The following EFHB variants were observed in gnomAD, a reference collection of about 807,000 sequenced individuals.
EFHB encodes EF-hand domain family member B.
EFHB carries 91 observed loss-of-function variants against 87.2 expected under a neutral mutation model. The observed-to-expected ratio is 1.04, with a 90% CI of 0.88 to 1.24. The LOEUF (loss-of-function observed/expected upper bound fraction) is 1.24, where lower values mean the gene tolerates loss of function less well. Ranked by LOEUF, EFHB falls within the 50% of genes most tolerant of loss-of-function variation. The pLI is 0.00. For synonymous variants in EFHB, 325 were observed against 333.6 expected, an observed-to-expected ratio of 0.97 and a Z score of 0.28; for missense variants, 1,084 against 998.8, an observed-to-expected ratio of 1.09 and a Z score of -1.15.
At chr3:19,881,903 T>C (rs1329076232) in intron 12 of EFHB, among the ~76,000 whole-genome samples, 2 of 152,078 alleles carry the variant, frequency 1.3e-5, no homozygotes, top group Non-Finnish European at 2.9e-5. Flanking sequence ...TATCAATCTC[T>C]GGCCCTCAGC....
At chr3:19,941,650 A>G (rs1238678542) in intron 1 of EFHB, 1 of 151,786 alleles carries the variant, frequency 6.6e-6, no homozygotes, top group Non-Finnish European at 1.5e-5. Flanking sequence ...TGAGGTCAAG[A>G]GTTCAAGACC....
chr3:19,886,676 C>CAA (rs4020648), intron 10 of EFHB, among the ~76,000 whole-genome samples: 3 of 61,256 alleles, frequency 4.9e-5, no homozygotes, highest in African/African-American at 6.4e-5. Flanking sequence ...GACACTGTCT[C>CAA]AAAAAAAAAA....
At chr3:19,938,380 T>C (rs538500637), upstream of EFHB, among the ~76,000 whole-genome samples, 4 of 152,356 alleles carry the variant, frequency 2.6e-5, no homozygotes, top group South Asian at 2.1e-4. Context: ...CTCTAGTAAA[T>C]GGCATGCATG....
chr3:19,943,008 TG>T, intron 1 of EFHB: 1 of 308,750 alleles, frequency 3.2e-6, no homozygotes. Flanking sequence ...ACTTGGACCT[TG>T]GGCCTGCCAA....
At chr3:19,899,315 A>G in intron 7 of EFHB, 117 bp downstream of exon 7, 1 of 691,324 alleles carries the variant, frequency 1.4e-6, no homozygotes, top group Non-Finnish European at 2.2e-6. Flanking sequence ...TAACAATAAA[A>G]TAATGATTTT....
rs555252281 is a variant in EFHB at position 19,918,571 on chromosome 3, T to C, written c.997-159A>G. Among the ~76,000 whole-genome samples, 21 of 152,268 alleles carry C rather than the reference T, an allele frequency of 1.4e-4. No individual in the cohort carries two copies. In the South Asian group the frequency reaches 4.1e-3, roughly 30 times the overall value. On this transcript the variant is annotated intron_variant, in intron 3 of 12. Transcript: ENST00000295824. The stretch of plus-strand genomic sequence containing the variant: ...CTCACCTTCAAATGAACTGTCAGAA[T>C]TGGCTATGAAGTTTAAACACGCCTA...
chr3:19,917,843 G>C (rs1695286309), intron 4 of EFHB, among the ~76,000 whole-genome samples: 1 of 152,190 alleles, frequency 6.6e-6, no homozygotes, highest in Admixed American at 6.5e-5. Flanking sequence ...TCTGTGCCAT[G>C]AACTCTGTTG....
chr3:19,943,568 A>C (rs990448452), intron 1 of EFHB, among the ~76,000 whole-genome samples: 1 of 152,228 alleles, frequency 6.6e-6, no homozygotes, highest in Non-Finnish European at 1.5e-5. Flanking sequence ...AAATGAAAAA[A>C]ACACAAAATA....
upstream of EFHB, among the ~76,000 whole-genome samples, chr3:19,936,912 T>TAAAA (rs1553636182): frequency 3.1e-3 from 442 of 140,798 alleles, 5 homozygotes; most frequent in African/African-American, 9.3e-3. Flanking sequence ...AATAAATAAA[T>TAAAA]AAAAAGTGAG....
intron 1 of EFHB, among the ~76,000 whole-genome samples, chr3:19,927,045 T>A (rs950906335): frequency 6.6e-6 from 1 of 152,176 alleles, no homozygotes; most frequent in African/African-American, 2.4e-5. Context: ...AGCCTCAACC[T>A]CCCATAGCCC....
chr3:19,882,271 T>A (rs1362726458), intron 12 of EFHB, among the ~76,000 whole-genome samples: 1 of 152,094 alleles, frequency 6.6e-6, no homozygotes, highest in Non-Finnish European at 1.5e-5. Context: ...GTTCCTTTTC[T>A]CAACTAGAAT....
intron 1 of EFHB, among the ~76,000 whole-genome samples, chr3:19,923,382 G>C (rs1261951089): frequency 6.6e-6 from 1 of 152,046 alleles, no homozygotes; most frequent in African/African-American, 2.4e-5. Flanking sequence ...TTTGAGACAG[G>C]GTCTGATTCC....
At chr3:19,936,089 A>C, upstream of EFHB, 1 of 1,320,360 alleles carries the variant, frequency 7.6e-7, no homozygotes, top group Non-Finnish European at 9.7e-7. Context: ...ACCCCTTAAA[A>C]TCCAAAAATA....
At chr3:19,896,954 ACT>A (rs776048804) in intron 8 of EFHB, 113 bp from the exon 9 acceptor site, 64 of 909,634 alleles carry the variant, frequency 7.0e-5, no homozygotes, top group Non-Finnish European at 9.8e-5. Context: ...GAAACATCTA[ACT>A]CTGACATGAT....
chr3:19,933,127 T>G, intron 1 of EFHB, 103 bp downstream of exon 1: 1 of 1,343,580 alleles, frequency 7.4e-7, no homozygotes, highest in Non-Finnish European at 9.9e-7. Context: ...AAAATCCTTG[T>G]GATTTGTCTC....
At chr3:19,894,893 A>G in intron 9 of EFHB, 1 of 151,850 alleles carries the variant, frequency 6.6e-6, no homozygotes, top group Admixed American at 6.6e-5. Flanking sequence ...CTGAGGCAGG[A>G]GAATCGCTTG....
intron 6 of EFHB, among the ~76,000 whole-genome samples, chr3:19,904,548 C>T (rs78443245): frequency 0.011 from 1,675 of 152,282 alleles, 15 homozygotes; most frequent in Non-Finnish European, 0.018. Flanking sequence ...GGCATTACTT[C>T]GCATTCCTTG....
chr3:19,901,004 A>C (rs1416137049), intron 6 of EFHB, among the ~76,000 whole-genome samples: 1 of 152,230 alleles, frequency 6.6e-6, no homozygotes, highest in Non-Finnish European at 1.5e-5. Flanking sequence ...AATAAAGAAA[A>C]GAATCAAAAT....
At chr3:19,903,261 G>A (rs1228076455) in intron 6 of EFHB, among the ~76,000 whole-genome samples, 3 of 151,954 alleles carry the variant, frequency 2.0e-5, no homozygotes, top group Non-Finnish European at 4.4e-5. Flanking sequence ...ACAAGTTGGA[G>A]GGAAGCATGC....
Sources: gnomAD v4.1 joint callset for allele counts (sites outside exome capture counted in the v4.1 genomes callset) on GRCh38, gnomAD v4.1.1 for gene constraint, MANE v1.5 for transcripts, NCBI Gene and HGNC (gene_info 2026-07-23, HGNC 2026-07-21) for gene names.